The following ZNF208 variants were observed in gnomAD, a reference collection of about 807,000 sequenced individuals.
ZNF208 encodes the protein zinc finger protein 95.
In ZNF208, 10 loss-of-function variants were observed where a neutral mutation model predicts 12.1. The observed-to-expected ratio is 0.83, with a 90% CI of 0.51 to 1.40. The LOEUF (loss-of-function observed/expected upper bound fraction) is 1.40, where lower values mean the gene tolerates loss of function less well. Among genes scored for constraint, ZNF208 ranks in the 40% most tolerant of loss-of-function variants. ZNF208 has a pLI of 0.00. For synonymous variants in ZNF208, 497 were observed against 488.4 expected, an observed-to-expected ratio of 1.02 and a Z score of -0.23; for missense variants, 1,652 against 1,485.0, an observed-to-expected ratio of 1.11 and a Z score of -1.85.
chr19:21,959,812 C>G (rs1342500961), intron 4 of ZNF208, among the ~76,000 whole-genome samples: 11 of 152,080 alleles, frequency 7.2e-5, no homozygotes, highest in Admixed American at 1.3e-4. Flanking sequence ...AAATATATAT[C>G]TACTGTCAGA....
chr19:22,008,275 C>T (rs1222205752), intron 1 of ZNF208, among the ~76,000 whole-genome samples: 5 of 137,214 alleles, frequency 3.6e-5, no homozygotes, highest in Non-Finnish European at 7.6e-5. Context: ...TGCACTCCAG[C>T]CTGGGTGACA....
chr19:22,004,220 T>C (rs910811210), intron 1 of ZNF208, among the ~76,000 whole-genome samples: 126 of 151,340 alleles, frequency 8.3e-4, no homozygotes, highest in Non-Finnish European at 3.1e-4. Context: ...ATAAACTTAA[T>C]AAAAACAAAA....
intron 1 of ZNF208, among the ~76,000 whole-genome samples, chr19:22,000,785 T>TA (rs1568456799): frequency 6.6e-6 from 1 of 151,870 alleles, no homozygotes; most frequent in Admixed American, 6.6e-5. Flanking sequence ...TCTATTTTTT[T>TA]AAAAAAGGTA....
At chr19:21,977,858 C>A (rs1247537659) in intron 3 of ZNF208, among the ~76,000 whole-genome samples, 1 of 152,194 alleles carries the variant, frequency 6.6e-6, no homozygotes, top group Non-Finnish European at 1.5e-5. Flanking sequence ...GCAAGCACAG[C>A]AGTCCAAGCT....
chr19:22,005,957 A>G lies in ZNF208; in HGVS notation c.3+4835T>C, dbSNP rs1487988056. Reference sequence around the variant, plus strand: ...GTGCTCTTTTCTTACCTACTACACAACCAGGAAAACACTCTGCATATTTTC... The same window carrying G: ...GTGCTCTTTTCTTACCTACTACACAGCCAGGAAAACACTCTGCATATTTTC... On this transcript the variant is annotated intron_variant, in intron 1 of 3. Coordinates refer to ENST00000397126, the MANE Select transcript of ZNF208 (RefSeq NM_007153.3). Among the ~76,000 whole-genome samples, 6 of 152,208 alleles carry G rather than the reference A, an allele frequency of 3.9e-5. No homozygotes were observed. In the East Asian group the frequency reaches 5.8e-4, roughly 15 times the overall value.
Position 21,973,604 on chromosome 19 carries a change from C to T in ZNF208, c.1430G>A (p.Gly477Glu), listed in dbSNP as rs761786294. ...TTCTTCACATTTGTAGGGTTTCTCT[C>T]CATTATGAATTACCTTATGTTTAGT... is the stretch of plus-strand genomic sequence containing the variant. ...ILTKHKVIHN[G>E]EKPYKCEECD... Residue 477 changes from glycine (G) to glutamate (E), a missense_variant, in exon 4 of 4, where the codon GGA (glycine) becomes GAA (glutamate). By Grantham distance (98) the Gly-to-Glu change is moderately conservative (BLOSUM62 -2). Transcript: ENST00000397126. 1.4e-5 allele frequency: 22 copies of T among 1,613,026 alleles called. 1 individual carries two copies. In the South Asian group the frequency reaches 2.2e-4, roughly 16 times the overall value.
At chr19:21,994,695 T>C (rs957566480) in intron 1 of ZNF208, among the ~76,000 whole-genome samples, 1 of 152,154 alleles carries the variant, frequency 6.6e-6, no homozygotes, top group African/African-American at 2.4e-5. Flanking sequence ...ATAATTTTTT[T>C]AGAAGAAAAA....
At chr19:22,005,297 G>A (rs1309915018) in intron 1 of ZNF208, among the ~76,000 whole-genome samples, 1 of 152,076 alleles carries the variant, frequency 6.6e-6, no homozygotes. Context: ...GGCAAAAGGG[G>A]GTTTGTCATC....
Position 21,966,136 on chromosome 19 carries a change from G to A in ZNF208, c.*5055C>T, listed in dbSNP as rs1247297364. ...TTTATTATTTTTATTTTATATTTAAGGTACATGTGCAGATTTGTAAAACAG... is the reference window on the plus strand; with the variant it reads ...TTTATTATTTTTATTTTATATTTAAAGTACATGTGCAGATTTGTAAAACAG... On this transcript the variant is annotated 3_prime_UTR_variant, in exon 4 of 4. Transcript: ENST00000397126. The A allele has an allele frequency of 6.6e-6, 1 of 151,940 alleles. No individual in the cohort carries two copies. Among genetic ancestry groups the A allele is most frequent in the Non-Finnish European group, 1.5e-5 (1 of 67,950 alleles). The allele number at this position is 151,940 out of a possible 1,614,324, so 9.4% of individuals were successfully genotyped here.
In ZNF208 at chr19:21,967,795, A is replaced by G. The variant is rs1288923157; in HGVS notation, c.*3396T>C. On this transcript the variant is annotated 3_prime_UTR_variant, in exon 4 of 4. Coordinates refer to ENST00000397126, the MANE Select transcript of ZNF208 (RefSeq NM_007153.3). ...TCTAATTCAATAAAAATCGTCATGG[A>G]TAGTCTGATAAAAATAGCACTTAAT... 1 of 152,146 alleles carries G rather than the reference A, an allele frequency of 6.6e-6. No individual in the cohort carries two copies. The highest frequency in any genetic ancestry group is 1.5e-5 in the Non-Finnish European group (1 of 68,020). The allele number at this position is 152,146 out of a possible 1,614,324, so 9.4% of individuals were successfully genotyped here. A position where few individuals can be genotyped will look rare whatever the true frequency, so the allele number is the denominator to read the frequency against.
intron 4 of ZNF208, among the ~76,000 whole-genome samples, chr19:21,959,506 C>A (rs68061456): frequency 0.16 from 24,377 of 152,178 alleles, 2,117 homozygotes; most frequent in Admixed American, 0.23. Context: ...CAGAAGAATA[C>A]CTTTGTGAAT....
chr19:22,005,259 T>G (rs1971024577), intron 1 of ZNF208, among the ~76,000 whole-genome samples: 1 of 152,064 alleles, frequency 6.6e-6, no homozygotes, highest in African/African-American at 2.4e-5. Context: ...TGTTTGTGAG[T>G]GGGTAGAAAT....
chr19:22,000,298 C>T (rs1459426598), intron 1 of ZNF208, among the ~76,000 whole-genome samples: 1 of 152,174 alleles, frequency 6.6e-6, no homozygotes, highest in Non-Finnish European at 1.5e-5. Flanking sequence ...AAATTGACCA[C>T]ACAATCAGAA....
At chr19:21,962,586 G>C (rs1290173272), downstream of ZNF208, among the ~76,000 whole-genome samples, 2 of 151,686 alleles carry the variant, frequency 1.3e-5, no homozygotes, top group Non-Finnish European at 2.9e-5. Context: ...TCAGCTAATT[G>C]ATTAAAAAAG....
intron 1 of ZNF208, among the ~76,000 whole-genome samples, chr19:22,003,992 A>T (rs1339817275): frequency 6.6e-6 from 1 of 151,952 alleles, no homozygotes; most frequent in Non-Finnish European, 1.5e-5. Context: ...AACATGGCAA[A>T]ATCCCATCTA....
At chr19:21,981,353 T>C (rs188121468) in intron 3 of ZNF208, among the ~76,000 whole-genome samples, 25 of 152,202 alleles carry the variant, frequency 1.6e-4, no homozygotes, top group Non-Finnish European at 3.4e-4. Context: ...TCAAAAAGCT[T>C]ATCCACCAAG....
At chr19:21,951,118 G>C (rs1160001204) in intron 4 of ZNF208, among the ~76,000 whole-genome samples, 1 of 152,168 alleles carries the variant, frequency 6.6e-6, no homozygotes, top group Non-Finnish European at 1.5e-5. Flanking sequence ...TATTAGGTTT[G>C]CTAAATGTTT....
chr19:21,980,879 C>T (rs1224007380), intron 3 of ZNF208, among the ~76,000 whole-genome samples: 3 of 151,944 alleles, frequency 2.0e-5, no homozygotes, highest in Admixed American at 2.0e-4. Context: ...ATAAAGGGGA[C>T]ATCACCACTG....
intron 1 of ZNF208, among the ~76,000 whole-genome samples, chr19:21,990,739 C>G (rs1385021272): frequency 1.3e-5 from 2 of 152,156 alleles, no homozygotes; most frequent in East Asian, 3.9e-4. Flanking sequence ...TACCCATGAG[C>G]ATGGAATGTT....
Sources: gnomAD v4.1 joint callset for allele counts (sites outside exome capture counted in the v4.1 genomes callset) on GRCh38, gnomAD v4.1.1 for gene constraint, MANE v1.5 for transcripts, NCBI Gene and HGNC (gene_info 2026-07-23, HGNC 2026-07-21) for gene names.